FAM186A: variants seen among roughly 807,000 people sequenced by gnomAD.
The protein encoded by FAM186A is family with sequence similarity 186 member A.
FAM186A carries 163 observed loss-of-function variants against 216.8 expected under a neutral mutation model. The observed-to-expected ratio is 0.75, with a 90% confidence interval of 0.66 to 0.86. The LOEUF (loss-of-function observed/expected upper bound fraction) is 0.86, where lower values mean the gene tolerates loss of function less well. Ranked by LOEUF, FAM186A falls within the 40% of genes least tolerant of loss-of-function variation. The pLI, the probability that FAM186A is intolerant of heterozygous loss-of-function variation, is 0.00. For synonymous variants in FAM186A, 805 were observed against 1,025.3 expected (o/e 0.79, Z 4.10); for missense variants, 2,184 against 2,746.2 (o/e 0.80, Z 4.58).
chr12:50,352,921 G>A lies in FAM186A; in HGVS notation c.3911C>T (p.Thr1304Ile), dbSNP rs1288443552. The A allele has an allele frequency of 7.8e-6, 12 of 1,534,736 alleles. No homozygotes were observed. The highest frequency in any genetic ancestry group is 1.4e-5 in the African/African-American group (1 of 71,662). ...QQAQTLGIPL[T>I]PKQAQALGIP... ...CCCCAGAGCCTGTGCCTGCTTAGGG[G>A]TGAGAGGGATCCCCAGGGTCTGGGC... Residue 1304 changes from threonine to isoleucine, a missense_variant, in exon 4 of 8, where the codon ACC (threonine) becomes ATC (isoleucine). Thr to Ile is a moderately conservative substitution (Grantham distance 89). Around this residue, in one of 7 missense-constraint regions of FAM186A, gnomAD observed 267 missense variants for 446.2 expected, o/e 0.60. Coordinates refer to ENST00000327337, the MANE Select transcript of FAM186A (RefSeq NM_001145475.3).
chr12:50,386,260 C>G (rs1943302605), intron 1 of FAM186A, among the ~76,000 whole-genome samples: 1 of 151,780 alleles, frequency 6.6e-6, no homozygotes, highest in Non-Finnish European at 1.5e-5. Context: ...GAAACCCTGT[C>G]TCCACTAAAA....
At chr12:50,368,258 C>T (rs1436399991) in intron 1 of FAM186A, among the ~76,000 whole-genome samples, 1 of 150,880 alleles carries the variant, frequency 6.6e-6, no homozygotes, top group African/African-American at 2.4e-5. Context: ...AAAAATTAGC[C>T]AGCATGGTGG....
In FAM186A at chr12:50,355,338, T is replaced by C. The variant is rs1306290318; in HGVS notation, c.1494A>G (p.Val498=). 6.4e-7 allele frequency: 1 copy of C among 1,550,558 alleles called. No homozygotes were observed. Among genetic ancestry groups the C allele is most frequent in the Non-Finnish European group, 8.7e-7 (1 of 1,146,826 alleles). The change falls in exon 4 of 8, where the codon GTA becomes GTG. Residue 498 remains valine (V), a synonymous_variant. Coordinates refer to ENST00000327337, the MANE Select transcript of FAM186A (RefSeq NM_001145475.3). ...AKPSQYYELQ[V]LKKKRKEMKS... ...TCATTTCTTTTCTTTTCTTTTTCAG[T>C]ACTTGTAGCTCATAGTATTGACTAG...
intron 1 of FAM186A, among the ~76,000 whole-genome samples, chr12:50,386,052 A>C (rs1161186566): frequency 6.6e-6 from 1 of 152,204 alleles, no homozygotes; most frequent in South Asian, 2.1e-4. Context: ...TTTATTATAC[A>C]TCATGATAAC....
chr12:50,344,157 G>C (rs1373336675), intron 4 of FAM186A, among the ~76,000 whole-genome samples: 1 of 151,568 alleles, frequency 6.6e-6, no homozygotes, highest in Non-Finnish European at 1.5e-5. Flanking sequence ...ACATATGCAG[G>C]TTTGTTACAT....
At position 50,354,402 on chromosome 12, in the gene FAM186A, T is replaced by C; in HGVS notation, c.2430A>G (p.Thr810=). 2 of 1,551,564 alleles carry C rather than the reference T, an allele frequency of 1.3e-6. No homozygotes were observed. Among genetic ancestry groups the C allele is most frequent in the Non-Finnish European group, 1.7e-6 (2 of 1,146,998 alleles). ...CCTTCTCCTTGTGGTCTTTCTGTAC[T>C]GTTGAGACTGTTGGAATATCTCTTT... is the stretch of plus-strand genomic sequence containing the variant. ...ESERDIPTVS[T]VQKDHKEKEK... Residue 810 remains threonine, a synonymous_variant, in exon 4 of 8, where the codon ACA becomes ACG. Coordinates refer to ENST00000327337, the MANE Select transcript of FAM186A (RefSeq NM_001145475.3).
chr12:50,359,328 G>A (rs545346447), intron 3 of FAM186A, among the ~76,000 whole-genome samples: 3 of 152,190 alleles, frequency 2.0e-5, no homozygotes, highest in East Asian at 1.9e-4. Context: ...AACCCGGGAG[G>A]TGGAGGTTGC....
chr12:50,393,195 A>G (rs1269820104), intron 1 of FAM186A, among the ~76,000 whole-genome samples: 4 of 151,724 alleles, frequency 2.6e-5, no homozygotes, highest in Non-Finnish European at 4.4e-5. Flanking sequence ...AAGTGCTGGG[A>G]TTACAGGTAT....
At chr12:50,339,817 C>G (rs1565880130) in intron 4 of FAM186A, among the ~76,000 whole-genome samples, 1 of 151,488 alleles carries the variant, frequency 6.6e-6, no homozygotes, top group Non-Finnish European at 1.5e-5. Flanking sequence ...CTCTGCTACA[C>G]TCTCTGACTT....
intron 1 of FAM186A, among the ~76,000 whole-genome samples, chr12:50,375,981 G>A (rs1943194352): frequency 6.6e-6 from 1 of 152,096 alleles, no homozygotes; most frequent in Non-Finnish European, 1.5e-5. Context: ...CAAGTGCAGG[G>A]TCTGGCCACT....
At chr12:50,328,527 A>ATTTTTTTTTTTT (rs1565877156) in intron 7 of FAM186A, among the ~76,000 whole-genome samples, 5 of 133,826 alleles carry the variant, frequency 3.7e-5, no homozygotes, top group African/African-American at 1.1e-4. Context: ...TTTATTTTTT[A>ATTTTTTTTTTTT]TTTTGAGAGA....
chr12:50,359,096 A>G (rs1943006672), intron 3 of FAM186A, among the ~76,000 whole-genome samples: 2 of 151,136 alleles, frequency 1.3e-5, no homozygotes, highest in South Asian at 4.2e-4. Context: ...CACAGGTACT[A>G]GGATGGCCAT....
intron 7 of FAM186A, 142 bp downstream of exon 7, chr12:50,330,431 T>G (rs1475189050): frequency 1.3e-6 from 1 of 782,648 alleles, no homozygotes; most frequent in Non-Finnish European, 2.0e-6. Context: ...TGTACTATTT[T>G]ATGACTGGTG....
At chr12:50,344,272 C>G (rs1942792023) in intron 4 of FAM186A, among the ~76,000 whole-genome samples, 1 of 152,102 alleles carries the variant, frequency 6.6e-6, no homozygotes, top group African/African-American at 2.4e-5. Flanking sequence ...CCCACTTCCT[C>G]TCTCCCCTAC....
chr12:50,329,594 CACT>C (rs1350754320), intron 7 of FAM186A, among the ~76,000 whole-genome samples: 68 of 151,096 alleles, frequency 4.5e-4, no homozygotes, highest in Middle Eastern at 3.4e-3. Flanking sequence ...TGTGAATTAA[CACT>C]ACTTTTTTTT....
intron 4 of FAM186A, among the ~76,000 whole-genome samples, chr12:50,335,645 CAA>C (rs1259106943): frequency 3.2e-5 from 4 of 125,612 alleles, no homozygotes. Context: ...GATCCTATCT[CAA>C]AAAAAAAAAA....
In FAM186A at chr12:50,360,841, T is replaced by C. The variant is rs1386460248; in HGVS notation, c.498A>G (p.Leu166=). The C allele has an allele frequency of 1.3e-6, 2 of 1,551,318 alleles. No homozygotes were observed. The highest frequency in any genetic ancestry group is 1.7e-6 in the Non-Finnish European group (2 of 1,146,874). The change falls in exon 3 of 8, where the codon TTA becomes TTG. Residue 166 remains leucine (L), a synonymous_variant. Coordinates refer to ENST00000327337, the MANE Select transcript of FAM186A (RefSeq NM_001145475.3). ...IAQMELLPDT[L]KAIENNVKIL... ...TCTTGACATTGTTCTCAATAGCTTT[T>C]AACGTGTCCGGTAACAACTCCATTT...
Position 50,338,788 on chromosome 12 carries a change from G to A in FAM186A, c.6504-4685C>T, listed in dbSNP as rs542382869. Among the ~76,000 whole-genome samples the A allele has an allele frequency of 9.1e-4, 139 of 152,230 alleles. No homozygotes were observed. In the South Asian group the frequency reaches 0.027, roughly 30 times the overall value. On this transcript the variant is annotated intron_variant, in intron 4 of 7. Transcript: ENST00000327337. ...TTTGGGCAAATAGGATGACCTTTCT[G>A]AACCTGATTCCCATTCTTCCAGTTA...
Position 50,351,215 on chromosome 12 carries a change from G to A in FAM186A, c.5617C>T (p.Leu1873Phe). 4 of 1,551,652 alleles carry A rather than the reference G, an allele frequency of 2.6e-6. No homozygotes were observed. Among genetic ancestry groups the A allele is most frequent in the Non-Finnish European group, 3.5e-6 (4 of 1,146,970 alleles). Reference sequence around the variant, plus strand: ...AAGGTTAAGGGTCCAGATTCCAGGAGGTCCCCAGGGATGGAAGAGGCTTCA... The same window carrying A: ...AAGGTTAAGGGTCCAGATTCCAGGAAGTCCCCAGGGATGGAAGAGGCTTCA... The part of the protein sequence containing the change: ...VPEASSIPGD[L>F]LESGPLTFSE... The change falls in exon 4 of 8, where the codon CTC becomes TTC. Residue 1873 changes from leucine to phenylalanine, a missense_variant. Physicochemically the swap from Leu to Phe is conservative, Grantham distance 22. Coordinates refer to ENST00000327337, the MANE Select transcript of FAM186A (RefSeq NM_001145475.3).
Sources: gnomAD v4.1 joint callset for allele counts (sites outside exome capture counted in the v4.1 genomes callset) on GRCh38, gnomAD v4.1.1 for gene constraint, gnomAD v4.1.1 regional missense constraint, MANE v1.5 for transcripts, NCBI Gene and HGNC (gene_info 2026-07-23, HGNC 2026-07-21) for gene names.